The following KCNN4 variants were observed in gnomAD, a reference collection of about 807,000 sequenced individuals.
The protein encoded by KCNN4 is intermediate conductance calcium-activated potassium channel protein 4.
KCNN4 carries 31 observed loss-of-function variants against 45.2 expected under a neutral mutation model. The ratio of observed to expected loss-of-function variants is 0.69; its 90% CI spans 0.52 to 0.92. The LOEUF is 0.92. KCNN4 is among the 40% of genes least tolerant of loss of function. The pLI is 0.00. For synonymous variants in KCNN4, 231 were observed against 254.6 expected, an observed-to-expected ratio of 0.91 and a Z score of 0.88; for missense variants, 463 against 574.0, an observed-to-expected ratio of 0.81 and a Z score of 1.98.
chr19:43,769,239 A>G lies in KCNN4; in HGVS notation c.1049+203T>C, dbSNP rs1210618791. On this transcript the variant is annotated intron_variant, in intron 6 of 8. Transcript: ENST00000648319. The surrounding 1 kb of genome is among the most constrained non-coding windows in gnomAD (Gnocchi z 4.4). Reference sequence around the variant, plus strand: ...GAAACCCAGGTACCCAGGTCCGCAGACACACCGAGATATGCGGAGACAAAC... The same window carrying G: ...GAAACCCAGGTACCCAGGTCCGCAGGCACACCGAGATATGCGGAGACAAAC... 5 of 671,154 alleles carry G rather than the reference A, an allele frequency of 7.4e-6. No individual in the cohort carries two copies. The highest frequency in any genetic ancestry group is 2.5e-5 in the Admixed American group (1 of 40,462). 41.6% of individuals were successfully genotyped at this position (671,154 alleles called of 1,614,324 possible). A position where few individuals can be genotyped will look rare whatever the true frequency, so the allele number is the denominator to read the frequency against.
chr19:43,777,019 T>G (rs1230170798), intron 1 of KCNN4, among the ~76,000 whole-genome samples: 1 of 152,080 alleles, frequency 6.6e-6, no homozygotes, highest in Non-Finnish European at 1.5e-5. Context: ...GAGGTGGAAG[T>G]TGCAGTGAGC....
rs1012903058 is a variant in KCNN4, at chr19:43,774,199, C to A, written c.676G>T (p.Ala226Ser). The change falls in exon 3 of 9, where the codon GCC becomes TCC. Residue 226 changes from alanine to serine, a missense_variant. This residue lies in a region of KCNN4 where 109 missense variants were observed against 183.7 expected (regional missense o/e 0.59). Transcript: ENST00000648319. The surrounding 1 kb of genome is among the most constrained non-coding windows in gnomAD (Gnocchi z 5.6). ...TGCCTCCATCACCCTCACCTCTCGG[C>A]CACGGACAGCACCCAGGCGGTGGTC... ...WLTTAWVLSV[A>S]ERQAVNATGH... The A allele has an allele frequency of 9.3e-6, 15 of 1,610,314 alleles. No homozygotes were observed. The highest frequency in any genetic ancestry group is 1.0e-5 in the Non-Finnish European group (12 of 1,177,432).
At position 43,774,383 on chromosome 19, in the gene KCNN4, G is replaced by A. The variant is rs1969733512; in HGVS notation, c.492C>T (p.Pro164=). Residue 164 remains proline (P), a synonymous_variant, in exon 3 of 9, where the codon CCC becomes CCT. Transcript: ENST00000648319. This position sits in a 1 kb window ranked among gnomAD's most constrained non-coding sequence, Gnocchi z 5.6. ...LAMLLRLYLV[P]RAVLLRSGVL... The stretch of plus-strand genomic sequence containing the variant: ...CGCCGCTGCGCAGGAGCACGGCGCG[G>A]GGCACCAGGTAGAGACGCAGCAGCA... The A allele has an allele frequency of 1.9e-6, 3 of 1,603,302 alleles. No homozygotes were observed. Among genetic ancestry groups the A allele is most frequent in the Non-Finnish European group, 2.6e-6 (3 of 1,175,258 alleles).
Position 43,769,533 on chromosome 19 carries a change from G to A in KCNN4, c.958C>T (p.Gln320Ter). 3.1e-6 allele frequency: 5 copies of A among 1,614,196 alleles called. No individual in the cohort carries two copies. The highest frequency in any genetic ancestry group is 4.2e-6 in the Non-Finnish European group (5 of 1,180,026). The change falls in exon 6 of 9, where the codon CAA becomes TAA. Residue 320 changes from glutamine (Q) to a stop codon, truncating the protein, a stop_gained. Coordinates refer to ENST00000648319, the MANE Select transcript of KCNN4 (RefSeq NM_002250.3). LOFTEE classifies it high-confidence loss of function. This position sits in a 1 kb window ranked among gnomAD's most constrained non-coding sequence, Gnocchi z 4.4. ...EMKESAARVL[Q>*]EAWMFYKHTR... The stretch of plus-strand genomic sequence containing the variant: ...TGTTTGTAGAACATCCAGGCTTCTT[G>A]TAGCACTCGGGCAGCGGACTCCTTC...
intron 4 of KCNN4, among the ~76,000 whole-genome samples, chr19:43,771,683 A>AT (rs973351428): frequency 2.0e-5 from 3 of 151,998 alleles, no homozygotes; most frequent in Non-Finnish European, 4.4e-5. Flanking sequence ...CCTAGGTCTG[A>AT]TTTTTTATTT....
Position 43,769,439 on chromosome 19 carries a change from C to T in KCNN4, c.1049+3G>A. ...ACACGTGTGCATACAAAGCGGCCCTCACGCGTTGATGGCGGCCAGCAGCTT... is the reference window on the plus strand; with the variant it reads ...ACACGTGTGCATACAAAGCGGCCCTTACGCGTTGATGGCGGCCAGCAGCTT... On this transcript the variant is annotated splice_donor_region_variant and intron_variant, in intron 6 of 8. Coordinates refer to ENST00000648319, the MANE Select transcript of KCNN4 (RefSeq NM_002250.3). This position sits in a 1 kb window ranked among gnomAD's most constrained non-coding sequence, Gnocchi z 4.4. 1 of 1,613,218 alleles carries T rather than the reference C, an allele frequency of 6.2e-7. No individual in the cohort carries two copies. Among genetic ancestry groups the T allele is most frequent in the Non-Finnish European group, 8.5e-7 (1 of 1,179,260 alleles).
At position 43,767,622 on chromosome 19, in the gene KCNN4, T is replaced by C; in HGVS notation, c.1205A>G (p.Lys402Arg). 6.2e-7 allele frequency: 1 copy of C among 1,614,172 alleles called. No individual in the cohort carries two copies. Among genetic ancestry groups the C allele is most frequent in the Non-Finnish European group, 8.5e-7 (1 of 1,180,034 alleles). Reference protein sequence around the residue: ...LEKQIDTLAGKLDALTELLST... With the variant: ...LEKQIDTLAGRLDALTELLST... ...AAGCAGCTCAGTCAGGGCATCCAGCTTCCCCGCCAGCGTGTCAATCTGTTT... is the reference window on the plus strand; with the variant it reads ...AAGCAGCTCAGTCAGGGCATCCAGCCTCCCCGCCAGCGTGTCAATCTGTTT... The change falls in exon 8 of 9, where the codon AAG becomes AGG. Residue 402 changes from lysine (K) to arginine (R), a missense_variant. By Grantham distance (26) the Lys-to-Arg change is conservative. Around this residue, in one of 3 missense-constraint regions of KCNN4, gnomAD observed 129 missense variants for 149.4 expected, o/e 0.86. Transcript: ENST00000648319.
chr19:43,771,978 T>C (rs754771190), intron 4 of KCNN4, 22 bp downstream of exon 4: 1 of 1,574,066 alleles, frequency 6.4e-7, no homozygotes, highest in South Asian at 1.2e-5. Context: ...AGGGATCATG[T>C]CCCCAAGGCA....
At chr19:43,779,761 T>C (rs1969918785) in intron 1 of KCNN4, among the ~76,000 whole-genome samples, 1 of 151,800 alleles carries the variant, frequency 6.6e-6, no homozygotes, top group African/African-American at 2.4e-5. Context: ...CCAAAAGCAA[T>C]CAAAACCCCC....
chr19:43,769,569 G>C lies in KCNN4; in HGVS notation c.931-9C>G. ...GCAGCGGACTCCTTCATCTGGGGGTGGGTGGCACAGTGTCCGTGGAGATAG... is the reference window on the plus strand; with the variant it reads ...GCAGCGGACTCCTTCATCTGGGGGTCGGTGGCACAGTGTCCGTGGAGATAG... On this transcript the variant is annotated splice_polypyrimidine_tract_variant and intron_variant, in intron 5 of 8. Transcript: ENST00000648319. The surrounding 1 kb of genome is among the most constrained non-coding windows in gnomAD (Gnocchi z 4.4). 6.2e-7 allele frequency: 1 copy of C among 1,610,484 alleles called. No individual in the cohort carries two copies. Among genetic ancestry groups the C allele is most frequent in the Non-Finnish European group, 8.5e-7 (1 of 1,176,628 alleles).
chr19:43,771,868 G>A, intron 4 of KCNN4, 132 bp downstream of exon 4: 2 of 1,141,450 alleles, frequency 1.8e-6, no homozygotes, highest in South Asian at 1.8e-5. Context: ...GGGCTCTGGG[G>A]GCCCCAGACA....
chr19:43,768,273 C>T (rs543439570), intron 7 of KCNN4, among the ~76,000 whole-genome samples: 3 of 152,358 alleles, frequency 2.0e-5, no homozygotes, highest in South Asian at 2.1e-4. Context: ...CATCTGTGAC[C>T]GTGCTTACCA....
chr19:43,778,736 C>G (rs1369319824), intron 1 of KCNN4, among the ~76,000 whole-genome samples: 2 of 152,164 alleles, frequency 1.3e-5, no homozygotes, highest in African/African-American at 4.8e-5. Context: ...TCCTCCACCC[C>G]ACCTGGTGCT....
intron 1 of KCNN4, among the ~76,000 whole-genome samples, chr19:43,779,348 C>T (rs1202206191): frequency 2.0e-5 from 3 of 152,052 alleles, no homozygotes; most frequent in Non-Finnish European, 4.4e-5. Flanking sequence ...GCATGGACTT[C>T]GGCGGCCCCA....
At chr19:43,767,938 T>C (rs188789755) in intron 7 of KCNN4, among the ~76,000 whole-genome samples, 1 of 152,354 alleles carries the variant, frequency 6.6e-6, no homozygotes, top group Non-Finnish European at 1.5e-5. Flanking sequence ...GGGAATCCTG[T>C]TCCTGTCTTA....
Position 43,774,641 on chromosome 19 carries a change from G to A in KCNN4, c.256-22C>T, listed in dbSNP as rs922782191. ...ACAGCTGCCGGTAGGGGGCCAAGAA[G>A]GGAGGGGTCAGGAGCAGGTCAGGCG... On this transcript the variant is annotated intron_variant, in intron 2 of 8. Coordinates refer to ENST00000648319, the MANE Select transcript of KCNN4 (RefSeq NM_002250.3). The surrounding 1 kb of genome is among the most constrained non-coding windows in gnomAD (Gnocchi z 5.6). 2 of 1,484,418 alleles carry A rather than the reference G, an allele frequency of 1.3e-6. No individual in the cohort carries two copies. The highest frequency in any genetic ancestry group is 2.4e-5 in the Admixed American group (1 of 42,092). 92.0% of individuals were successfully genotyped at this position (1,484,418 alleles called of 1,614,324 possible).
chr19:43,779,405 C>T (rs1969909965), intron 1 of KCNN4, among the ~76,000 whole-genome samples: 1 of 152,104 alleles, frequency 6.6e-6, no homozygotes, highest in Non-Finnish European at 1.5e-5. Context: ...ATGCCTGACC[C>T]TCCATGTGGC....
At chr19:43,767,827 G>A (rs1459676044) in intron 7 of KCNN4, 120 bp from the exon 8 acceptor site, 24 of 1,219,800 alleles carry the variant, frequency 2.0e-5, no homozygotes, top group Middle Eastern at 4.2e-4. Flanking sequence ...GATTACCCTC[G>A]ACAATAACTG....
Position 43,772,352 on chromosome 19 carries a change from C to A in KCNN4, c.684-217G>T, listed in dbSNP as rs1271298894. Among the ~76,000 whole-genome samples the A allele has an allele frequency of 6.6e-6, 1 of 152,106 alleles. No homozygotes were observed. The highest frequency in any genetic ancestry group is 1.5e-5 in the Non-Finnish European group (1 of 68,010). ...CCTCCTCTCTGCTGTGTGACCTGGG[C>A]AAGTTGCTTAGCCACTCTGGGATTT... On this transcript the variant is annotated intron_variant, in intron 3 of 8. Coordinates refer to ENST00000648319, the MANE Select transcript of KCNN4 (RefSeq NM_002250.3). The surrounding 1 kb of genome is among the most constrained non-coding windows in gnomAD (Gnocchi z 4.4).
Sources: allele counts gnomAD v4.1 joint callset (sites outside exome capture counted in the v4.1 genomes callset), GRCh38; gene constraint gnomAD v4.1.1; regional missense constraint gnomAD v4.1.1; non-coding constraint Gnocchi (gnomAD v3.1); transcripts MANE v1.5; gene names NCBI Gene and HGNC (gene_info 2026-07-23, HGNC 2026-07-21).